The following CFAP58 variants were observed in gnomAD, a reference collection of about 807,000 sequenced individuals.
The protein encoded by CFAP58 is cilia and flagella associated protein 58, also known as cilia- and flagella-associated protein 58.
In CFAP58, 88 loss-of-function variants were observed where a neutral mutation model predicts 119.5. That is an observed-to-expected ratio of 0.74 (90% CI 0.62 to 0.88). The LOEUF (loss-of-function observed/expected upper bound fraction) is 0.88, where lower values mean the gene tolerates loss of function less well. CFAP58 is among the 40% of genes least tolerant of loss of function. CFAP58 has a pLI of 0.00. For synonymous variants in CFAP58, 365 were observed against 366.3 expected (o/e 1.00, Z 0.04); for missense variants, 990 against 1,021.2 (o/e 0.97, Z 0.42).
chr10:104,446,246 GA>G (rs2013111318), intron 15 of CFAP58, among the ~76,000 whole-genome samples: 1 of 152,194 alleles, frequency 6.6e-6, no homozygotes, highest in Admixed American at 6.5e-5. Context: ...TTTGTAATTT[GA>G]TTTGTTCAAG....
intron 15 of CFAP58, among the ~76,000 whole-genome samples, chr10:104,408,711 G>C (rs115029713): frequency 0.026 from 4,014 of 152,220 alleles, 125 homozygotes; most frequent in African/African-American, 0.075. Flanking sequence ...TGGGTTTACT[G>C]GGTTCTTCTA....
chr10:104,370,191 C>A (rs529821756), intron 6 of CFAP58, among the ~76,000 whole-genome samples: 3 of 152,304 alleles, frequency 2.0e-5, no homozygotes, highest in Admixed American at 6.5e-5. Flanking sequence ...ATGAAAATTG[C>A]TAATCAAATA....
chr10:104,354,720 T>A (rs1040940504), intron 1 of CFAP58, among the ~76,000 whole-genome samples: 1 of 152,196 alleles, frequency 6.6e-6, no homozygotes, highest in Non-Finnish European at 1.5e-5. Flanking sequence ...TTGCAAGGCC[T>A]GATGCAAAGT....
chr10:104,438,951 A>G (rs375876467), intron 15 of CFAP58, among the ~76,000 whole-genome samples: 9 of 152,242 alleles, frequency 5.9e-5, no homozygotes, highest in Middle Eastern at 3.2e-3. Context: ...CACAATAACC[A>G]TAAGATTTAT....
intron 15 of CFAP58, among the ~76,000 whole-genome samples, chr10:104,429,586 A>C (rs1029984245): frequency 2.0e-5 from 3 of 152,176 alleles, no homozygotes; most frequent in African/African-American, 7.2e-5. Context: ...GTGTATTTGG[A>C]GAAGCCTCAA....
At chr10:104,370,831 C>A (rs1037125823) in intron 6 of CFAP58, 64 bp from the exon 7 acceptor site, 2 of 1,434,222 alleles carry the variant, frequency 1.4e-6, no homozygotes, top group Non-Finnish European at 1.9e-6. Context: ...CTGAGTTTAC[C>A]ATCATCCAGT....
At chr10:104,376,403 G>T (rs1444611148) in intron 7 of CFAP58, among the ~76,000 whole-genome samples, 1 of 150,938 alleles carries the variant, frequency 6.6e-6, no homozygotes, top group African/African-American at 2.4e-5. Flanking sequence ...TGCTCGAGAG[G>T]TTGAGGCAGG....
At chr10:104,423,684 T>C (rs1325465011) in intron 15 of CFAP58, among the ~76,000 whole-genome samples, 1 of 152,232 alleles carries the variant, frequency 6.6e-6, no homozygotes, top group Non-Finnish European at 1.5e-5. Context: ...TGAATCTGTA[T>C]ACAATTATAT....
rs754442972 is a variant in CFAP58, at chr10:104,406,763, A to G, written c.2226A>G (p.Glu742=). The G allele has an allele frequency of 6.2e-7, 1 of 1,614,218 alleles. No homozygotes were observed. Among genetic ancestry groups the G allele is most frequent in the Non-Finnish European group, 8.5e-7 (1 of 1,180,022 alleles). ...TLQKRLISKT[E]EVVEKELLLQ... ...AGAAGCGTCTCATCAGCAAGACTGA[A>G]GAGGTGGTTGAAAAAGAGCTGCTCC... Residue 742 remains glutamate, a synonymous_variant, in exon 15 of 18, where the codon GAA becomes GAG. Coordinates refer to ENST00000369704, the MANE Select transcript of CFAP58 (RefSeq NM_001008723.2).
chr10:104,397,657 A>G (rs1241630150), intron 11 of CFAP58, among the ~76,000 whole-genome samples: 1 of 152,140 alleles, frequency 6.6e-6, no homozygotes, highest in Non-Finnish European at 1.5e-5. Flanking sequence ...TTTTACTGAC[A>G]TTTGCCAACT....
intron 11 of CFAP58, among the ~76,000 whole-genome samples, chr10:104,397,340 T>A (rs1302128960): frequency 1.3e-5 from 2 of 152,192 alleles, no homozygotes; most frequent in Admixed American, 1.3e-4. Flanking sequence ...TGCTTATCCC[T>A]AGACCAAAAC....
chr10:104,373,079 TC>T (rs1351894842), intron 7 of CFAP58, among the ~76,000 whole-genome samples: 1 of 152,070 alleles, frequency 6.6e-6, no homozygotes, highest in Non-Finnish European at 1.5e-5. Flanking sequence ...TAGCTTTTTT[TC>T]ATACCAAAAA....
intron 2 of CFAP58, among the ~76,000 whole-genome samples, chr10:104,359,468 C>T (rs2014638337): frequency 6.6e-6 from 1 of 152,124 alleles, no homozygotes; most frequent in Admixed American, 6.5e-5. Context: ...GGCTTAAAGT[C>T]ATTTTATAAT....
intron 17 of CFAP58, among the ~76,000 whole-genome samples, chr10:104,450,515 A>G (rs1295927059): frequency 1.3e-5 from 2 of 152,184 alleles, no homozygotes; most frequent in African/African-American, 2.4e-5. Context: ...TAATAATGTC[A>G]TAACTATGTT....
chr10:104,409,829 T>C (rs1434655924), intron 15 of CFAP58, among the ~76,000 whole-genome samples: 4 of 151,610 alleles, frequency 2.6e-5, no homozygotes, highest in African/African-American at 9.7e-5. Context: ...GTCTTTGTAC[T>C]TTAGGAATAT....
At chr10:104,415,676 C>G (rs555938340) in intron 15 of CFAP58, among the ~76,000 whole-genome samples, 2 of 152,144 alleles carry the variant, frequency 1.3e-5, no homozygotes, top group Non-Finnish European at 2.9e-5. Context: ...TACGTGAGAT[C>G]AGGTCTCCTG....
intron 13 of CFAP58, among the ~76,000 whole-genome samples, chr10:104,401,318 T>C (rs915341589): frequency 6.6e-6 from 1 of 152,332 alleles, no homozygotes; most frequent in East Asian, 1.9e-4. Flanking sequence ...CATCTTTTTC[T>C]TGGAATTATA....
chr10:104,368,468 A>G lies in CFAP58; in HGVS notation c.838A>G (p.Arg280Gly), dbSNP rs765246071. Residue 280 changes from arginine (R) to glycine (G), a missense_variant, in exon 6 of 18, where the codon AGA becomes GGA. Transcript: ENST00000369704. ...AAAGGAACTCGAGCAATTTCAGATG[A>G]GAAATGCTAAACTTCAGCAAGAGAA... ...AAKELEQFQMRNAKLQQENEQ... is the reference protein window; with the variant it reads ...AAKELEQFQMGNAKLQQENEQ... The G allele has an allele frequency of 6.8e-6, 11 of 1,613,988 alleles. No homozygotes were observed. The East Asian group carries it at 2.5e-4, about 36-fold the overall frequency.
intron 13 of CFAP58, among the ~76,000 whole-genome samples, chr10:104,402,002 C>A (rs972195961): frequency 6.6e-6 from 1 of 152,192 alleles, no homozygotes; most frequent in East Asian, 1.9e-4. Context: ...ATTACATACA[C>A]AAAGGACCAC....
Sources: gnomAD v4.1 joint callset for allele counts (sites outside exome capture counted in the v4.1 genomes callset) on GRCh38, gnomAD v4.1.1 for gene constraint, MANE v1.5 for transcripts, NCBI Gene and HGNC (gene_info 2026-07-23, HGNC 2026-07-21) for gene names.